Variants in KLHL1 observed in about 807,000 individuals in gnomAD.
KLHL1 encodes kelch-like protein 1.
A neutral mutation model predicts 77.7 loss-of-function variants in KLHL1; 47 were observed. The ratio of observed to expected loss-of-function variants is 0.60; its 90% CI spans 0.48 to 0.77. KLHL1 has a LOEUF of 0.77. KLHL1 is among the 30% of genes least tolerant of loss of function. KLHL1 has a pLI of 0.00. For synonymous variants in KLHL1, 360 were observed against 325.2 expected (o/e 1.11, Z -1.15); for missense variants, 925 against 910.8 (o/e 1.02, Z -0.20).
Position 69,882,356 on chromosome 13 carries a change from T to C in KLHL1, c.1154A>G (p.Tyr385Cys), listed in dbSNP as rs1350156708. The C allele has an allele frequency of 1.9e-6, 3 of 1,613,970 alleles. No individual in the cohort carries two copies. Among genetic ancestry groups the C allele is most frequent in the Non-Finnish European group, 2.5e-6 (3 of 1,179,840 alleles). ...IFHALMMWVK[Y>C]DMQSRCNDLS... The stretch of plus-strand genomic sequence containing the variant: ...GTCATTGCATCTACTCTGCATGTCA[T>C]ACTTGACCCACATCATCAATGCATG... The change falls in exon 5 of 11, where the codon TAT (tyrosine) becomes TGT (cysteine). Residue 385 changes from tyrosine (Y) to cysteine (C), a missense_variant. Coordinates refer to ENST00000377844, the MANE Select transcript of KLHL1 (RefSeq NM_020866.3).
intron 1 of KLHL1, among the ~76,000 whole-genome samples, chr13:69,993,390 AT>A (rs1442171841): frequency 4.0e-4 from 61 of 152,100 alleles, no homozygotes; most frequent in Middle Eastern, 3.2e-3. Context: ...TACAGCCTGC[AT>A]TCCATGGGAT....
intron 5 of KLHL1, among the ~76,000 whole-genome samples, chr13:69,843,348 G>C (rs1179247945): frequency 1.3e-5 from 2 of 151,574 alleles, no homozygotes; most frequent in East Asian, 3.9e-4. Flanking sequence ...GAATAAAAAA[G>C]TGAATGCAAG....
intron 5 of KLHL1, among the ~76,000 whole-genome samples, chr13:69,875,030 C>CA (rs1211019931): frequency 1.3e-5 from 2 of 151,866 alleles, no homozygotes; most frequent in East Asian, 3.9e-4. Flanking sequence ...TTTTCTCCAC[C>CA]AAAAATATAG....
chr13:70,072,397 T>C (rs1020579909), intron 1 of KLHL1, among the ~76,000 whole-genome samples: 5 of 152,168 alleles, frequency 3.3e-5, no homozygotes, highest in Non-Finnish European at 7.3e-5. Context: ...CTACAATTCA[T>C]TTTTGAAAAT....
At chr13:69,966,335 TA>T (rs1884209749) in intron 2 of KLHL1, among the ~76,000 whole-genome samples, 1 of 152,084 alleles carries the variant, frequency 6.6e-6, no homozygotes, top group Non-Finnish European at 1.5e-5. Flanking sequence ...AGAATTACGC[TA>T]ATTCTACTCA....
At chr13:69,967,338 A>G (rs1884240837) in intron 2 of KLHL1, among the ~76,000 whole-genome samples, 1 of 152,272 alleles carries the variant, frequency 6.6e-6, no homozygotes, top group Non-Finnish European at 1.5e-5. Flanking sequence ...GAAGATTCCA[A>G]CCCTCATATA....
Position 69,798,169 on chromosome 13 carries a change from T to A in KLHL1, c.1415-1207A>T, listed in dbSNP as rs528193031. On this transcript the variant is annotated intron_variant, in intron 6 of 10. Coordinates refer to ENST00000377844, the MANE Select transcript of KLHL1 (RefSeq NM_020866.3). The stretch of plus-strand genomic sequence containing the variant: ...TCATGTTCAGACTCACCTTCACCAA[T>A]GTTATACCTTCAATCATGAAACATT... Among the ~76,000 whole-genome samples the A allele has an allele frequency of 2.0e-5, 3 of 152,310 alleles. No individual in the cohort carries two copies. The South Asian group carries it at 6.2e-4, about 32-fold the overall frequency.
intron 1 of KLHL1, among the ~76,000 whole-genome samples, chr13:70,096,326 C>T (rs1483456423): frequency 6.6e-6 from 1 of 151,614 alleles, no homozygotes; most frequent in Non-Finnish European, 1.5e-5. Flanking sequence ...TATGAGGGCT[C>T]CCCTTTCTCT....
rs190835850 is a variant in KLHL1 at position 69,757,944 on chromosome 13, C to T, written c.1640-17388G>A. Among the ~76,000 whole-genome samples the T allele has an allele frequency of 5.7e-3, 597 of 103,880 alleles. 4 individuals are homozygous for T. Among genetic ancestry groups the T allele is most frequent in the African/African-American group, 0.022 (557 of 24,938 alleles). The allele number at this position is 103,880 out of a possible 152,430, so 68.1% of individuals were successfully genotyped here. ...TGCACTGCAGCCTGAGTAACAAGAGCGAAACTCCATCTCAAAAAAAAAAAA... is the reference window on the plus strand; with the variant it reads ...TGCACTGCAGCCTGAGTAACAAGAGTGAAACTCCATCTCAAAAAAAAAAAA... On this transcript the variant is annotated intron_variant, in intron 7 of 10. Coordinates refer to ENST00000377844, the MANE Select transcript of KLHL1 (RefSeq NM_020866.3).
intron 3 of KLHL1, among the ~76,000 whole-genome samples, chr13:69,955,219 C>A (rs1438385075): frequency 6.6e-6 from 1 of 151,292 alleles, no homozygotes; most frequent in African/African-American, 2.4e-5. Flanking sequence ...ATGGTAAGCT[C>A]CAGGCTGATA....
intron 7 of KLHL1, among the ~76,000 whole-genome samples, chr13:69,744,996 T>C (rs1216082774): frequency 6.6e-6 from 1 of 152,018 alleles, no homozygotes; most frequent in Non-Finnish European, 1.5e-5. Context: ...GGTCATAGAA[T>C]ATACTTACAT....
chr13:69,952,807 G>A lies in KLHL1; in HGVS notation c.817+8501C>T, dbSNP rs183260392. ...GAAAATGGACTCTTCATTAAAAATG[G>A]CTAAGTGGTAATTTACAGAAGTCTT... On this transcript the variant is annotated intron_variant, in intron 3 of 10. Transcript: ENST00000377844. Among the ~76,000 whole-genome samples the A allele has an allele frequency of 4.0e-5, 6 of 151,386 alleles. No individual in the cohort carries two copies. The Admixed American group carries it at 4.0e-4, about 10-fold the overall frequency.
intron 4 of KLHL1, among the ~76,000 whole-genome samples, chr13:69,929,454 G>A (rs76011701): frequency 0.054 from 8,252 of 151,820 alleles, 372 homozygotes; most frequent in African/African-American, 0.12. Context: ...AAAATTAAAA[G>A]GGGTAGCCTA....
At chr13:69,773,199 G>A (rs1299360412) in intron 7 of KLHL1, among the ~76,000 whole-genome samples, 2 of 152,012 alleles carry the variant, frequency 1.3e-5, no homozygotes, top group Non-Finnish European at 2.9e-5. Flanking sequence ...GGTAATATCT[G>A]CTATACACTT....
intron 10 of KLHL1, among the ~76,000 whole-genome samples, chr13:69,703,153 A>C (rs1002721512): frequency 6.6e-6 from 1 of 151,704 alleles, no homozygotes; most frequent in African/African-American, 2.4e-5. Flanking sequence ...GGTTCAGGTC[A>C]TGGATGAACC....
chr13:69,802,596 G>A (rs1398651900), intron 6 of KLHL1, among the ~76,000 whole-genome samples: 1 of 152,116 alleles, frequency 6.6e-6, no homozygotes, highest in Non-Finnish European at 1.5e-5. Flanking sequence ...GTTATCTATA[G>A]AATACAGACA....
intron 4 of KLHL1, among the ~76,000 whole-genome samples, chr13:69,935,304 C>T (rs1340677109): frequency 1.8e-5 from 1 of 55,798 alleles, no homozygotes; most frequent in Non-Finnish European, 3.7e-5. Flanking sequence ...GTCACTATAC[C>T]TTCATTTATT....
chr13:69,740,345 C>G (rs745432483), intron 8 of KLHL1, 49 bp downstream of exon 8: 2 of 1,244,288 alleles, frequency 1.6e-6, no homozygotes, highest in Admixed American at 4.5e-5. Context: ...TAATATTTAC[C>G]CAATAACTTT....
chr13:70,054,808 T>C (rs1426698539), intron 1 of KLHL1, among the ~76,000 whole-genome samples: 1 of 27,130 alleles, frequency 3.7e-5, no homozygotes, highest in Non-Finnish European at 8.0e-5. Flanking sequence ...CTCTTAACAG[T>C]AAAATTGATC....
Sources: gnomAD v4.1 joint callset for allele counts (sites outside exome capture counted in the v4.1 genomes callset) on GRCh38, gnomAD v4.1.1 for gene constraint, MANE v1.5 for transcripts, NCBI Gene and HGNC (gene_info 2026-07-23, HGNC 2026-07-21) for gene names.